The following CA10 variants were observed in gnomAD, a reference collection of about 807,000 sequenced individuals.
CA10 encodes carbonic anhydrase 10 (inactive), also known as carbonic anhydrase-related protein 10.
In CA10, 14 loss-of-function variants were observed where a neutral mutation model predicts 44.2. That is an observed-to-expected ratio of 0.32 (90% confidence interval 0.21 to 0.50). The LOEUF (loss-of-function observed/expected upper bound fraction) is 0.50, where lower values mean the gene tolerates loss of function less well. CA10 is among the 20% of genes least tolerant of loss of function. The pLI is 0.99. For synonymous variants in CA10, 159 were observed against 141.6 expected (o/e 1.12, Z -0.87); for missense variants, 350 against 409.7 (o/e 0.85, Z 1.26).
chr17:51,871,221 G>A (rs561429820), intron 3 of CA10, among the ~76,000 whole-genome samples: 2 of 149,912 alleles, frequency 1.3e-5, no homozygotes, highest in South Asian at 4.3e-4. Flanking sequence ...ACCATGCCTG[G>A]CTTGCTTATT....
intron 4 of CA10, among the ~76,000 whole-genome samples, chr17:51,682,118 T>C (rs1442800938): frequency 6.6e-6 from 1 of 152,192 alleles, no homozygotes; most frequent in African/African-American, 2.4e-5. Context: ...TGGTCCCTGT[T>C]CTCTAGGTAG....
At chr17:51,704,045 C>T (rs1189689404) in intron 4 of CA10, among the ~76,000 whole-genome samples, 1 of 152,180 alleles carries the variant, frequency 6.6e-6, no homozygotes, top group African/African-American at 2.4e-5. Context: ...GAAAACTGAT[C>T]TCTTTCGATT....
At chr17:51,924,746 T>C (rs554284089) in intron 3 of CA10, among the ~76,000 whole-genome samples, 13 of 152,240 alleles carry the variant, frequency 8.5e-5, no homozygotes, top group African/African-American at 3.1e-4. Context: ...TCATTTGGTC[T>C]CCAGGTTCTG....
At chr17:51,953,151 G>GT (rs1378502276) in intron 2 of CA10, among the ~76,000 whole-genome samples, 8 of 152,092 alleles carry the variant, frequency 5.3e-5, no homozygotes, top group African/African-American at 1.9e-4. Context: ...GTCTGTTCTA[G>GT]TACCAGTTTG....
chr17:52,073,779 G>A (rs1013796612), intron 1 of CA10, among the ~76,000 whole-genome samples: 1 of 152,140 alleles, frequency 6.6e-6, no homozygotes, highest in African/African-American at 2.4e-5. Context: ...CATCTGCTCT[G>A]GGACAGCAGG....
intron 1 of CA10, among the ~76,000 whole-genome samples, chr17:52,142,518 G>T (rs904092770): frequency 6.6e-6 from 1 of 150,472 alleles, no homozygotes; most frequent in Non-Finnish European, 1.5e-5. Flanking sequence ...TATTTTTTTT[G>T]AAAATACTTG....
chr17:51,715,894 T>C (rs1450187598), intron 4 of CA10, among the ~76,000 whole-genome samples: 1 of 152,216 alleles, frequency 6.6e-6, no homozygotes, highest in Non-Finnish European at 1.5e-5. Context: ...TTCACCATGT[T>C]GGCCAGGCTG....
chr17:51,664,146 A>G (rs1278742186), intron 4 of CA10, among the ~76,000 whole-genome samples: 4 of 152,190 alleles, frequency 2.6e-5, no homozygotes, highest in African/African-American at 9.7e-5. Context: ...ATTATTGTAG[A>G]GATTTAATGT....
At chr17:51,812,183 C>T (rs139716652) in intron 3 of CA10, among the ~76,000 whole-genome samples, 1 of 152,312 alleles carries the variant, frequency 6.6e-6, no homozygotes, top group Non-Finnish European at 1.5e-5. Context: ...AGGAATTTTG[C>T]AAGCCAAGTA....
In CA10 at chr17:51,910,555, G is replaced by T. The variant is rs79733224; in HGVS notation, c.279+20435C>A. On this transcript the variant is annotated intron_variant, in intron 3 of 8. Coordinates refer to ENST00000451037, the MANE Select transcript of CA10 (RefSeq NM_020178.5). ...ATTAAAGACAAATTCAGATAGAATGGCAGGATCTAGAGTAATTCACCAGTT... is the reference window on the plus strand; with the variant it reads ...ATTAAAGACAAATTCAGATAGAATGTCAGGATCTAGAGTAATTCACCAGTT... Among the ~76,000 whole-genome samples, 274 of 152,274 alleles carry T rather than the reference G, an allele frequency of 1.8e-3. 11 individuals carry two copies. In the East Asian group the frequency reaches 0.049, roughly 28 times the overall value.
chr17:51,845,030 T>C (rs1978427754), intron 3 of CA10, among the ~76,000 whole-genome samples: 1 of 152,178 alleles, frequency 6.6e-6, no homozygotes, highest in Non-Finnish European at 1.5e-5. Flanking sequence ...ATTGGAATGA[T>C]GCATTTACAA....
intron 2 of CA10, among the ~76,000 whole-genome samples, chr17:52,009,073 A>G (rs1005975558): frequency 1.1e-4 from 16 of 151,968 alleles, no homozygotes; most frequent in African/African-American, 3.6e-4. Context: ...CTCTATAGAT[A>G]TGAACATAGC....
intron 2 of CA10, among the ~76,000 whole-genome samples, chr17:52,053,026 G>A (rs1598188785): frequency 1.3e-5 from 2 of 151,858 alleles, no homozygotes; most frequent in East Asian, 1.9e-4. Context: ...ACCAAACCAA[G>A]GTAACTTCAG....
intron 2 of CA10, among the ~76,000 whole-genome samples, chr17:51,972,005 T>C (rs1984297019): frequency 6.6e-6 from 1 of 152,004 alleles, no homozygotes; most frequent in African/African-American, 2.4e-5. Context: ...GATTAAAAAA[T>C]AAGCACAATT....
At chr17:51,636,405 C>T (rs1912827676) in intron 6 of CA10, among the ~76,000 whole-genome samples, 2 of 152,162 alleles carry the variant, frequency 1.3e-5, no homozygotes, top group South Asian at 4.2e-4. Flanking sequence ...AAACTTCCAT[C>T]CCAGAAGTGG....
intron 3 of CA10, among the ~76,000 whole-genome samples, chr17:51,756,535 C>T (rs62061833): frequency 2.0e-5 from 3 of 147,522 alleles, no homozygotes; most frequent in Non-Finnish European, 3.0e-5. Context: ...GGCGCCATCT[C>T]GGCTCACTGC....
chr17:51,924,912 C>A (rs1283892080), intron 3 of CA10, among the ~76,000 whole-genome samples: 2 of 152,166 alleles, frequency 1.3e-5, no homozygotes, highest in Admixed American at 6.5e-5. Flanking sequence ...AAATTGGCGA[C>A]AACAGTAGTT....
chr17:51,653,784 A>AGGT, intron 4 of CA10, 48 bp from the exon 5 acceptor site: 1 of 1,118,100 alleles, frequency 8.9e-7, no homozygotes, highest in Non-Finnish European at 1.4e-6. Flanking sequence ...CAACATTAAA[A>AGGT]GGTATGAGGC....
intron 3 of CA10, among the ~76,000 whole-genome samples, chr17:51,916,811 T>G (rs1008047520): frequency 5.9e-5 from 9 of 152,088 alleles, no homozygotes; most frequent in African/African-American, 2.2e-4. Context: ...TGGAATGAGG[T>G]AGTGCCAACT....
Sources: allele counts gnomAD v4.1 joint callset (sites outside exome capture counted in the v4.1 genomes callset), GRCh38; gene constraint gnomAD v4.1.1; transcripts MANE v1.5; gene names NCBI Gene and HGNC (gene_info 2026-07-23, HGNC 2026-07-21).